RICTOR: variants seen among roughly 807,000 people sequenced by gnomAD.
RICTOR encodes rapamycin-insensitive companion of mTOR.
In RICTOR, 49 loss-of-function variants were observed where a neutral mutation model predicts 214.9. The ratio of observed to expected loss-of-function variants is 0.23; its 90% CI spans 0.18 to 0.29. The LOEUF (loss-of-function observed/expected upper bound fraction) is 0.29, where lower values mean the gene tolerates loss of function less well. Ranked by LOEUF, RICTOR falls within the 10% of genes least tolerant of loss-of-function variation. The pLI is 1.00. For synonymous variants in RICTOR, 717 were observed against 711.3 expected, an observed-to-expected ratio of 1.01 and a Z score of -0.13; for missense variants, 1,625 against 2,047.0, an observed-to-expected ratio of 0.79 and a Z score of 3.98.
chr5:39,039,651 G>A (rs1224574672), intron 2 of RICTOR, among the ~76,000 whole-genome samples: 1 of 152,126 alleles, frequency 6.6e-6, no homozygotes, highest in Non-Finnish European at 1.5e-5. Flanking sequence ...CAAAAAGTGG[G>A]CAAAGGATAT....
rs753574729 is a variant in RICTOR at position 38,962,995 on chromosome 5, T to G, written c.1447A>C (p.Lys483Gln). The G allele has an allele frequency of 7.4e-6, 12 of 1,613,118 alleles. No homozygotes were observed. Among genetic ancestry groups the G allele is most frequent in the Non-Finnish European group, 1.0e-5 (12 of 1,179,266 alleles). The stretch of plus-strand genomic sequence containing the variant: ...CTATAAGGCTTAGGTCCTCGTTTCT[T>G]CATTTCATGGAAGCGTTTTAAACAG... ...LNCLKRFHEM[K>Q]KRGPKPYSLH... Residue 483 changes from lysine to glutamine, a missense_variant, in exon 17 of 38, where the codon AAG (lysine) becomes CAG (glutamine). By Grantham distance (53) the Lys-to-Gln change is moderately conservative. This residue lies in a region of RICTOR where 1,214 missense variants were observed against 1,470.5 expected (regional missense o/e 0.83). Transcript: ENST00000357387.
intron 6 of RICTOR, among the ~76,000 whole-genome samples, chr5:38,996,609 C>A (rs1753194814): frequency 6.6e-6 from 1 of 152,096 alleles, no homozygotes; most frequent in African/African-American, 2.4e-5. Context: ...AGAAATATTG[C>A]CCTACCTATA....
chr5:39,027,603 C>T (rs1663754888), intron 2 of RICTOR, among the ~76,000 whole-genome samples: 1 of 152,116 alleles, frequency 6.6e-6, no homozygotes, highest in Admixed American at 6.5e-5. Flanking sequence ...ATAAGTTACA[C>T]ATATTTATGT....
In RICTOR at chr5:38,991,032, T is replaced by G. The variant is rs1006200850; in HGVS notation, c.500A>C (p.Asn167Thr). 1.9e-6 allele frequency: 3 copies of G among 1,601,660 alleles called. No homozygotes were observed. The highest frequency in any genetic ancestry group is 2.6e-6 in the Non-Finnish European group (3 of 1,172,076). ...ATCATTTCCAACTGCAATTAATGAG[T>G]TGGTCACAGAACTAGGAAACAAGGA... ...NASLFPSSVT[N>T]SLIAVGNDGL... The change falls in exon 7 of 38, where the codon AAC (asparagine) becomes ACC (threonine). Residue 167 changes from asparagine (N) to threonine (T), a missense_variant. By Grantham distance (65) the Asn-to-Thr change is moderately conservative. Coordinates refer to ENST00000357387, the MANE Select transcript of RICTOR (RefSeq NM_152756.5).
chr5:38,991,645 C>T (rs1360561786), intron 6 of RICTOR, among the ~76,000 whole-genome samples: 3 of 151,984 alleles, frequency 2.0e-5, no homozygotes, highest in African/African-American at 4.8e-5. Context: ...TGTTGCTATA[C>T]CAGAAAGCAG....
intron 2 of RICTOR, among the ~76,000 whole-genome samples, chr5:39,059,417 T>A (rs1362437197): frequency 1.3e-5 from 2 of 152,128 alleles, no homozygotes; most frequent in Non-Finnish European, 2.9e-5. Context: ...ATTGCAATAT[T>A]ATGTTTCTTG....
chr5:39,025,835 T>C (rs77126214), intron 2 of RICTOR, among the ~76,000 whole-genome samples: 2,408 of 152,284 alleles, frequency 0.016, 41 homozygotes, highest in South Asian at 0.081. Flanking sequence ...TTTTGACATA[T>C]TAATTTTTGA....
chr5:38,995,290 T>C (rs1377330471), intron 6 of RICTOR, among the ~76,000 whole-genome samples: 2 of 152,190 alleles, frequency 1.3e-5, no homozygotes, highest in African/African-American at 4.8e-5. Flanking sequence ...GAGGCCATTA[T>C]TCTAAGTCAA....
intron 2 of RICTOR, among the ~76,000 whole-genome samples, chr5:39,036,710 G>A (rs908949472): frequency 6.6e-6 from 1 of 152,134 alleles, no homozygotes; most frequent in South Asian, 2.1e-4. Context: ...AAGATCAAAA[G>A]AGACAAAGAA....
intron 25 of RICTOR, 103 bp downstream of exon 25, chr5:38,957,549 T>C (rs1367162576): frequency 5.6e-6 from 4 of 710,270 alleles, no homozygotes; most frequent in African/African-American, 1.8e-5. Context: ...TTTAACCTTA[T>C]TAATTTCAAA....
chr5:38,947,708 A>G (rs1030939921), intron 31 of RICTOR, among the ~76,000 whole-genome samples: 1 of 152,160 alleles, frequency 6.6e-6, no homozygotes, highest in Non-Finnish European at 1.5e-5. Flanking sequence ...GGCAATTAGA[A>G]TAACTTTCAA....
chr5:39,002,771 T>TG, intron 4 of RICTOR, 105 bp from the exon 5 acceptor site: 1 of 1,098,634 alleles, frequency 9.1e-7, no homozygotes, highest in Non-Finnish European at 1.3e-6. Context: ...AAAATTCTAG[T>TG]CATGCACAGA....
chr5:39,006,667 T>G (rs1754075183), intron 3 of RICTOR, among the ~76,000 whole-genome samples: 1 of 143,706 alleles, frequency 7.0e-6, no homozygotes, highest in Admixed American at 7.0e-5. Context: ...AATTTTTTCT[T>G]TAGAGGAAAT....
At chr5:39,008,184 TAA>T (rs956961968) in intron 3 of RICTOR, among the ~76,000 whole-genome samples, 1 of 150,760 alleles carries the variant, frequency 6.6e-6, no homozygotes, top group African/African-American at 2.4e-5. Context: ...AAACACACTT[TAA>T]AAAAAAAGGA....
At chr5:39,063,539 TC>T in intron 2 of RICTOR, among the ~76,000 whole-genome samples, 1 of 152,322 alleles carries the variant, frequency 6.6e-6, no homozygotes, top group East Asian at 1.9e-4. Context: ...TTCTAAGAGA[TC>T]TTCCTTCTAG....
chr5:38,943,576 G>A (rs1747838721), intron 36 of RICTOR, among the ~76,000 whole-genome samples: 1 of 152,166 alleles, frequency 6.6e-6, no homozygotes, highest in Non-Finnish European at 1.5e-5. Context: ...CACTTTGGGA[G>A]GCTGAGACAG....
intron 2 of RICTOR, among the ~76,000 whole-genome samples, chr5:39,055,639 A>C (rs1333918797): frequency 6.6e-6 from 1 of 152,194 alleles, no homozygotes; most frequent in Non-Finnish European, 1.5e-5. Flanking sequence ...TGTGACAGAG[A>C]GGCAGACATG....
rs930227704 is a variant in RICTOR, at chr5:38,941,807, T to C, written c.*497A>G. On this transcript the variant is annotated 3_prime_UTR_variant, in exon 38 of 38. Transcript: ENST00000357387. The stretch of plus-strand genomic sequence containing the variant: ...CGTGAAAGGGCCAAAGTTCCCTCTC[T>C]AATACCAGCAGTTATAGCACACCCC... 1.3e-5 allele frequency: 3 copies of C among 233,110 alleles called. No homozygotes were observed. The Admixed American group carries it at 1.7e-4, about 13-fold the overall frequency. The allele number at this position is 233,110 out of a possible 1,614,324, so 14.4% of individuals were successfully genotyped here.
intron 35 of RICTOR, 24 bp from the exon 36 acceptor site, chr5:38,944,593 TA>T: frequency 6.4e-7 from 1 of 1,557,730 alleles, no homozygotes; most frequent in Non-Finnish European, 8.7e-7. Context: ...AGGGAGAAGT[TA>T]AATATTATCT....
Sources: gnomAD v4.1 joint callset for allele counts (sites outside exome capture counted in the v4.1 genomes callset) on GRCh38, gnomAD v4.1.1 for gene constraint, gnomAD v4.1.1 regional missense constraint, MANE v1.5 for transcripts, NCBI Gene and HGNC (gene_info 2026-07-23, HGNC 2026-07-21) for gene names.